Variants in TAB2 observed in about 807,000 individuals in gnomAD.
TAB2 encodes the protein TGF-beta-activated kinase 1 and MAP3K7-binding protein 2.
A neutral mutation model predicts 65.0 loss-of-function variants in TAB2; 3 were observed. The ratio of observed to expected loss-of-function variants is 0.05; its 90% CI spans 0.02 to 0.12. The LOEUF (loss-of-function observed/expected upper bound fraction) is 0.12, where lower values mean the gene tolerates loss of function less well. TAB2 is among the 10% of genes least tolerant of loss of function. TAB2 has a pLI of 1.00. For synonymous variants in TAB2, 298 were observed against 285.1 expected, an observed-to-expected ratio of 1.05 and a Z score of -0.46; for missense variants, 623 against 840.3, an observed-to-expected ratio of 0.74 and a Z score of 3.20.
At chr6:149,343,898 A>G (rs1780207510) in intron 1 of TAB2, among the ~76,000 whole-genome samples, 1 of 152,216 alleles carries the variant, frequency 6.6e-6, no homozygotes, top group Admixed American at 6.5e-5. Context: ...TTTTGATTTT[A>G]GTTCAGTTTA....
At chr6:149,273,389 T>A (rs758686936) in intron 1 of TAB2, among the ~76,000 whole-genome samples, 7 of 152,130 alleles carry the variant, frequency 4.6e-5, no homozygotes, top group Non-Finnish European at 7.4e-5. Flanking sequence ...AACATTTCAG[T>A]TTCCTGTGGG....
chr6:149,390,685 C>T (rs757018590), intron 3 of TAB2, among the ~76,000 whole-genome samples: 1 of 152,138 alleles, frequency 6.6e-6, no homozygotes, highest in Non-Finnish European at 1.5e-5. Flanking sequence ...AGCCCTGGTG[C>T]TTGAATTCAC....
At chr6:149,332,163 C>G (rs1562419538) in intron 1 of TAB2, among the ~76,000 whole-genome samples, 1 of 151,800 alleles carries the variant, frequency 6.6e-6, no homozygotes, top group Non-Finnish European at 1.5e-5. Flanking sequence ...AATCAGGAGC[C>G]TTTTTTTTGG....
chr6:149,332,576 T>A (rs1779815965), intron 1 of TAB2, among the ~76,000 whole-genome samples: 1 of 152,310 alleles, frequency 6.6e-6, no homozygotes, highest in South Asian at 2.1e-4. Context: ...AATAGTGTCT[T>A]ACTAATTTTT....
At chr6:149,391,198 C>G (rs966543167) in intron 3 of TAB2, among the ~76,000 whole-genome samples, 7 of 152,144 alleles carry the variant, frequency 4.6e-5, no homozygotes, top group Non-Finnish European at 1.0e-4. Flanking sequence ...TTCCTTATCA[C>G]TGAGGAAATC....
rs1471146465 is a variant in TAB2, at chr6:149,238,700, C to G, written c.-121+19924C>G. 3.3e-5 allele frequency among the ~76,000 whole-genome samples: 5 copies of G among 152,320 alleles called. No homozygotes were observed. In the East Asian group the frequency reaches 9.6e-4, roughly 29 times the overall value. On this transcript the variant is annotated intron_variant, in intron 1 of 1. Transcript: ENST00000606202. Reference sequence around the variant, plus strand: ...TTCTCACTGTGAATCACTGTGAGACCTGAAGAGCAAAGCCTGCACATCCCG... The same window carrying G: ...TTCTCACTGTGAATCACTGTGAGACGTGAAGAGCAAAGCCTGCACATCCCG...
At chr6:149,255,942 A>AGGG (rs1778021799) in intron 1 of TAB2, among the ~76,000 whole-genome samples, 1 of 152,202 alleles carries the variant, frequency 6.6e-6, no homozygotes, top group African/African-American at 2.4e-5. Context: ...GGGCAGGAAA[A>AGGG]AGGAGAAAAA....
chr6:149,233,012 G>GCATAGTA (rs1428234682), intron 1 of TAB2, among the ~76,000 whole-genome samples: 1 of 152,154 alleles, frequency 6.6e-6, no homozygotes, highest in East Asian at 1.9e-4. Context: ...CCATGCCAGG[G>GCATAGTA]CATAGTACAT....
intron 1 of TAB2, among the ~76,000 whole-genome samples, chr6:149,345,544 A>G (rs1047954504): frequency 1.4e-5 from 2 of 147,926 alleles, no homozygotes; most frequent in Non-Finnish European, 3.0e-5. Flanking sequence ...CTTTATAGTA[A>G]TGCATGAATA....
chr6:149,369,491 T>A (rs1416696892), intron 1 of TAB2, among the ~76,000 whole-genome samples: 1 of 152,186 alleles, frequency 6.6e-6, no homozygotes, highest in East Asian at 1.9e-4. Context: ...AATCATTAAG[T>A]TTTAGACAAA....
intron 1 of TAB2, among the ~76,000 whole-genome samples, chr6:149,259,202 G>T (rs13202086): frequency 0.17 from 25,731 of 152,066 alleles, 2,308 homozygotes; most frequent in East Asian, 0.27. Context: ...ACTAATGGAG[G>T]ATGTTTTTCA....
chr6:149,319,335 A>G (rs893934161), intron 1 of TAB2, among the ~76,000 whole-genome samples: 2 of 152,230 alleles, frequency 1.3e-5, no homozygotes, highest in African/African-American at 4.8e-5. Flanking sequence ...ATTCTTTGTA[A>G]CAATGAAATC....
Position 149,331,060 on chromosome 6 carries a change from C to T in TAB2, c.-90+13045C>T, listed in dbSNP as rs550023250. Among the ~76,000 whole-genome samples the T allele has an allele frequency of 1.1e-4, 17 of 152,208 alleles. No homozygotes were observed. In the South Asian group the frequency reaches 2.9e-3, roughly 26 times the overall value. Reference sequence around the variant, plus strand: ...GTCTTAAAATTAGATAGTGAAATTCCTCCAACTTCATTCTCCTTTTTCAGA... The same window carrying T: ...GTCTTAAAATTAGATAGTGAAATTCTTCCAACTTCATTCTCCTTTTTCAGA... On this transcript the variant is annotated intron_variant, in intron 1 of 6. Coordinates refer to ENST00000637181, the MANE Select transcript of TAB2 (RefSeq NM_001292034.3).
At chr6:149,223,004 T>C (rs1777186091) in intron 1 of TAB2, among the ~76,000 whole-genome samples, 1 of 152,234 alleles carries the variant, frequency 6.6e-6, no homozygotes, top group South Asian at 2.1e-4. Flanking sequence ...CCCCCTTCTA[T>C]TCATTATTTC....
At chr6:149,387,029 C>T (rs73615928) in intron 3 of TAB2, among the ~76,000 whole-genome samples, 324 of 152,186 alleles carry the variant, frequency 2.1e-3, no homozygotes, top group African/African-American at 6.9e-3. Context: ...CCATGATTTG[C>T]AATTTTCTCC....
At chr6:149,308,891 C>G (rs1402457254) in intron 1 of TAB2, among the ~76,000 whole-genome samples, 1 of 152,016 alleles carries the variant, frequency 6.6e-6, no homozygotes, top group Non-Finnish European at 1.5e-5. Flanking sequence ...TTTTTAATAA[C>G]CTTTTGCATA....
At chr6:149,271,100 T>G (rs1448924731) in intron 1 of TAB2, among the ~76,000 whole-genome samples, 1 of 152,000 alleles carries the variant, frequency 6.6e-6, no homozygotes, top group East Asian at 1.9e-4. Flanking sequence ...GTTAGCTACT[T>G]GGGAGGCTTA....
chr6:149,358,887 T>A (rs765351380), intron 1 of TAB2, among the ~76,000 whole-genome samples: 1 of 152,064 alleles, frequency 6.6e-6, no homozygotes, highest in Non-Finnish European at 1.5e-5. Context: ...CCAGTTCACC[T>A]TTCTCTGTAG....
chr6:149,320,339 A>G (rs1220211566), intron 1 of TAB2, among the ~76,000 whole-genome samples: 1 of 152,156 alleles, frequency 6.6e-6, no homozygotes, highest in East Asian at 1.9e-4. Context: ...AGCCTCCCAA[A>G]TGCCTAATGA....
Sources: gnomAD v4.1 joint callset for allele counts (sites outside exome capture counted in the v4.1 genomes callset) on GRCh38, gnomAD v4.1.1 for gene constraint, MANE v1.5 for transcripts, NCBI Gene and HGNC (gene_info 2026-07-23, HGNC 2026-07-21) for gene names.